Variants in MLIP observed in about 807,000 individuals in gnomAD.
The protein encoded by MLIP is muscular LMNA interacting protein.
In MLIP, 79 loss-of-function variants were observed where a neutral mutation model predicts 84.8. The ratio of observed to expected loss-of-function variants is 0.93; its 90% CI spans 0.78 to 1.12. The LOEUF (loss-of-function observed/expected upper bound fraction) is 1.12, where lower values mean the gene tolerates loss of function less well. MLIP is among the 50% of genes most tolerant of loss of function. The pLI is 0.00. For synonymous variants in MLIP, 504 were observed against 463.0 expected (o/e 1.09, Z -1.14); for missense variants, 1,257 against 1,160.6 (o/e 1.08, Z -1.21).
rs374343333 is a variant in MLIP at position 54,111,729 on chromosome 6, G to A, written c.96+154G>A. On this transcript the variant is annotated intron_variant, in intron 1 of 13. Coordinates refer to ENST00000502396, the MANE Select transcript of MLIP (RefSeq NM_001281747.2). ...AAATGCTATCTTCACTTAGAGAAAA[G>A]GGTGAGCTGATAAAGACAAAACTGC... Among the ~76,000 whole-genome samples the A allele has an allele frequency of 5.3e-5, 8 of 152,288 alleles. No homozygotes were observed. In the East Asian group the frequency reaches 1.4e-3, roughly 26 times the overall value.
At chr6:54,124,188 C>G (rs1770707425) in intron 2 of MLIP, among the ~76,000 whole-genome samples, 1 of 152,170 alleles carries the variant, frequency 6.6e-6, no homozygotes, top group African/African-American at 2.4e-5. Flanking sequence ...CTCTCTCCCT[C>G]TCTCTCTTTA....
At chr6:54,235,188 G>A (rs933334066) in intron 12 of MLIP, among the ~76,000 whole-genome samples, 2 of 152,098 alleles carry the variant, frequency 1.3e-5, no homozygotes, top group Non-Finnish European at 2.9e-5. Flanking sequence ...AGTTGAATGC[G>A]TTCTTATATT....
At chr6:54,063,913 A>T (rs866515324) in intron 1 of MLIP, among the ~76,000 whole-genome samples, 2 of 45,046 alleles carry the variant, frequency 4.4e-5, no homozygotes, top group East Asian at 7.4e-4. Flanking sequence ...TTACGGCTTC[A>T]AATTAAATAA....
At position 54,202,509 on chromosome 6, in the gene MLIP, T is replaced by C. The variant is rs1209433541; in HGVS notation, c.2718+276T>C. Among the ~76,000 whole-genome samples the C allele has an allele frequency of 2.6e-5, 4 of 151,922 alleles. No individual in the cohort carries two copies. The East Asian group carries it at 7.7e-4, about 29-fold the overall frequency. On this transcript the variant is annotated intron_variant, in intron 11 of 13. Transcript: ENST00000502396. ...AAACTTGTCTATCTAGTGCTGGTATTGTTTTGGAGACCAAGATGTTGCTCT... is the reference window on the plus strand; with the variant it reads ...AAACTTGTCTATCTAGTGCTGGTATCGTTTTGGAGACCAAGATGTTGCTCT...
At chr6:54,245,548 C>A (rs145754007) in intron 12 of MLIP, among the ~76,000 whole-genome samples, 169 of 152,252 alleles carry the variant, frequency 1.1e-3, no homozygotes, top group Non-Finnish European at 2.0e-3. Flanking sequence ...GCATTATTAA[C>A]CCTGAAATGT....
At chr6:54,070,338 C>T (rs563458359) in intron 1 of MLIP, among the ~76,000 whole-genome samples, 13 of 152,140 alleles carry the variant, frequency 8.5e-5, no homozygotes, top group East Asian at 3.8e-4. Flanking sequence ...CCACCTCCCC[C>T]CCATGTTTAA....
intron 10 of MLIP, among the ~76,000 whole-genome samples, chr6:54,201,581 A>G (rs1217461556): frequency 6.6e-6 from 1 of 152,196 alleles, no homozygotes; most frequent in African/African-American, 2.4e-5. Context: ...TGGGAGAGAC[A>G]ATCTATTTGC....
At chr6:54,192,819 G>T (rs1357868072) in intron 10 of MLIP, among the ~76,000 whole-genome samples, 4 of 152,040 alleles carry the variant, frequency 2.6e-5, no homozygotes, top group Non-Finnish European at 4.4e-5. Flanking sequence ...TTTGTTTTGT[G>T]TAAAACAAAC....
intron 11 of MLIP, chr6:54,216,235 G>C: frequency 1.0e-6 from 1 of 985,192 alleles, no homozygotes; most frequent in East Asian, 1.1e-4. Context: ...CCTGCTAAAG[G>C]GTCAACTGAA....
chr6:54,205,212 A>G (rs1778955775), intron 11 of MLIP, among the ~76,000 whole-genome samples: 1 of 152,216 alleles, frequency 6.6e-6, no homozygotes, highest in Admixed American at 6.5e-5. Flanking sequence ...AAAATGTATA[A>G]TCTCAGCATT....
intron 11 of MLIP, among the ~76,000 whole-genome samples, chr6:54,213,728 A>AC (rs375011233): frequency 0.28 from 11,492 of 40,872 alleles, 2,184 homozygotes; most frequent in East Asian, 0.61. Context: ...AAAAAAAAAA[A>AC]AAAAAAAACA....
In MLIP at chr6:54,187,227, G is replaced by A. The variant is rs570690278; in HGVS notation, c.2545-2643G>A. Among the ~76,000 whole-genome samples, 49 of 152,252 alleles carry A rather than the reference G, an allele frequency of 3.2e-4. No homozygotes were observed. The South Asian group carries it at 1.0e-2, about 31-fold the overall frequency. On this transcript the variant is annotated intron_variant, in intron 9 of 13. Coordinates refer to ENST00000502396, the MANE Select transcript of MLIP (RefSeq NM_001281747.2). The stretch of plus-strand genomic sequence containing the variant: ...TGTGCAACTCCTAAGGCCCCCATGA[G>A]GGCAAATGTACTGCAGGGATGGTTT...
Position 54,249,037 on chromosome 6 carries a change from T to C in MLIP, c.2923-8271T>C, listed in dbSNP as rs989079837. 3.3e-5 allele frequency among the ~76,000 whole-genome samples: 5 copies of C among 152,124 alleles called. No homozygotes were observed. In the East Asian group the frequency reaches 7.7e-4, roughly 23 times the overall value. On this transcript the variant is annotated intron_variant, in intron 12 of 13. Coordinates refer to ENST00000502396, the MANE Select transcript of MLIP (RefSeq NM_001281747.2). The stretch of plus-strand genomic sequence containing the variant: ...CCGATATTAAGGATTCCAGTTAAGA[T>C]TGGGGAGTTCATTTTACCATCCCCA...
chr6:54,237,695 A>C (rs1477600741), intron 12 of MLIP, among the ~76,000 whole-genome samples: 1 of 151,430 alleles, frequency 6.6e-6, no homozygotes, highest in African/African-American at 2.4e-5. Flanking sequence ...AAAAAAAAAA[A>C]AAAAATTAGC....
At chr6:54,150,147 A>G (rs112719188) in intron 5 of MLIP, among the ~76,000 whole-genome samples, 132 of 152,206 alleles carry the variant, frequency 8.7e-4, no homozygotes, top group Middle Eastern at 3.4e-3. Flanking sequence ...TCTCTTATCT[A>G]ATAAGTAGGA....
intron 1 of MLIP, among the ~76,000 whole-genome samples, chr6:54,033,646 C>T (rs964607465): frequency 6.6e-6 from 1 of 152,058 alleles, no homozygotes; most frequent in African/African-American, 2.4e-5. Context: ...GAATCCAGGT[C>T]TACTCTCCTA....
At chr6:54,087,593 AC>A (rs1449896817) in intron 1 of MLIP, among the ~76,000 whole-genome samples, 1 of 152,078 alleles carries the variant, frequency 6.6e-6, no homozygotes, top group Non-Finnish European at 1.5e-5. Flanking sequence ...GTGACTCCTT[AC>A]TTGCATGCCT....
intron 1 of MLIP, among the ~76,000 whole-genome samples, chr6:54,074,502 A>G (rs1766673064): frequency 6.6e-6 from 1 of 152,212 alleles, no homozygotes; most frequent in South Asian, 2.1e-4. Context: ...TTCCTGAAAG[A>G]TCAATAACTT....
intron 3 of MLIP, among the ~76,000 whole-genome samples, chr6:54,129,663 T>C (rs866922761): frequency 6.6e-6 from 1 of 152,206 alleles, no homozygotes; most frequent in African/African-American, 2.4e-5. Flanking sequence ...TAAACGTTCA[T>C]GTTGGATTCA....
Sources: allele counts gnomAD v4.1 joint callset (sites outside exome capture counted in the v4.1 genomes callset), GRCh38; gene constraint gnomAD v4.1.1; transcripts MANE v1.5; gene names NCBI Gene and HGNC (gene_info 2026-07-23, HGNC 2026-07-21).